OCRL: variants seen among roughly 807,000 people sequenced by gnomAD.
OCRL encodes OCRL inositol polyphosphate-5-phosphatase.
OCRL carries 8 observed loss-of-function variants against 78.9 expected under a neutral mutation model. The ratio of observed to expected loss-of-function variants is 0.10; its 90% CI spans 0.06 to 0.18. OCRL has a LOEUF of 0.18. Ranked by LOEUF, OCRL falls within the 10% of genes least tolerant of loss-of-function variation. The pLI is 1.00. For missense variants in OCRL, 454 were observed against 696.7 expected (o/e 0.65, Z 3.92); for synonymous variants, 240 against 235.4 (o/e 1.02, Z -0.18).
intron 3 of OCRL, 143 bp from the exon 4 acceptor site, chrX:129,548,420 C>T (rs1453614406): frequency 9.8e-6 from 5 of 510,783 alleles, no homozygotes; most frequent in South Asian, 6.0e-5. Context: ...AAATATTAAA[C>T]GAAAAGGGAT....
intron 4 of OCRL, among the ~76,000 whole-genome samples, chrX:129,555,630 A>T (rs1223846736): frequency 8.9e-6 from 1 of 112,345 alleles, no homozygotes; most frequent in Admixed American, 9.4e-5. Context: ...ATGGACAAGA[A>T]GAGTAGAAGG....
chrX:129,578,482 C>A (rs1398031028), intron 18 of OCRL, among the ~76,000 whole-genome samples: 1 of 106,954 alleles, frequency 9.3e-6, no homozygotes, highest in African/African-American at 3.4e-5. Flanking sequence ...CATTTATACT[C>A]TCTCCTTCCA....
chrX:129,567,931 G>A (rs1936239672), intron 14 of OCRL, among the ~76,000 whole-genome samples: 1 of 99,390 alleles, frequency 1.0e-5, no homozygotes, highest in Non-Finnish European at 2.0e-5. Context: ...TTTTGAGACG[G>A]AGTCTCGCTC....
intron 1 of OCRL, 53 bp from the exon 2 acceptor site, chrX:129,540,691 C>A: frequency 9.6e-7 from 1 of 1,041,435 alleles, no homozygotes; most frequent in Non-Finnish European, 1.3e-6. Context: ...CCCCGCAGTG[C>A]ACCACTCCTC....
At chrX:129,545,096 T>TATGTAATACCATA in intron 3 of OCRL, 59 bp downstream of exon 3, 5 of 616,905 alleles carry the variant, frequency 8.1e-6, no homozygotes, top group Non-Finnish European at 1.4e-5. Context: ...ATTACTGCAT[T>TATGTAATACCATA]ATGTAATACC....
chrX:129,570,215 C>G (rs940446489), intron 15 of OCRL, among the ~76,000 whole-genome samples: 5 of 112,009 alleles, frequency 4.5e-5, no homozygotes, highest in Non-Finnish European at 9.4e-5. Flanking sequence ...AGATCTACAG[C>G]CCTATAATCT....
At chrX:129,585,854 T>C (rs1236861365) in intron 19 of OCRL, among the ~76,000 whole-genome samples, 1 of 111,999 alleles carries the variant, frequency 8.9e-6, no homozygotes, top group Non-Finnish European at 1.9e-5. Context: ...CTGTAGTGTA[T>C]GTGGTCTCTG....
At position 129,572,107 on chromosome X, in the gene OCRL, A is replaced by T. The variant is rs367784526; in HGVS notation, c.1602+2708A>T. ...TTAATTTAAAGTAATTTAAATTCAAATTCCCTATGTGGCTAGTCACTATTG... is the reference window on the plus strand; with the variant it reads ...TTAATTTAAAGTAATTTAAATTCAATTTCCCTATGTGGCTAGTCACTATTG... On this transcript the variant is annotated intron_variant, in intron 15 of 23. Coordinates refer to ENST00000371113, the MANE Select transcript of OCRL (RefSeq NM_000276.4). Among the ~76,000 whole-genome samples, 33 of 112,443 alleles carry T rather than the reference A, an allele frequency of 2.9e-4. No homozygotes were observed. In the East Asian group the frequency reaches 6.1e-3, roughly 21 times the overall value.
At chrX:129,588,096 G>A (rs1227163647) in intron 20 of OCRL, 83 bp from the exon 21 acceptor site, 1 of 712,380 alleles carries the variant, frequency 1.4e-6, no homozygotes, top group Non-Finnish European at 2.3e-6. Flanking sequence ...TTTGCTTCCT[G>A]CTGCTCTTCT....
rs367870998 is a variant in OCRL at position 129,590,305 on chromosome X, C to T, written c.*35C>T. ...TGTTCTCTGATATTCTAGAAGCAGA[C>T]GATCTCGGGCTCCAAGTATTTCAGA... On this transcript the variant is annotated 3_prime_UTR_variant, in exon 24 of 24. Transcript: ENST00000371113. The T allele has an allele frequency of 9.2e-6, 11 of 1,202,058 alleles. No individual in the cohort carries two copies. The African/African-American group carries it at 1.2e-4, about 13-fold the overall frequency.
intron 2 of OCRL, among the ~76,000 whole-genome samples, chrX:129,541,741 TC>T (rs1486775312): frequency 8.9e-6 from 1 of 112,317 alleles, no homozygotes; most frequent in Non-Finnish European, 1.9e-5. Flanking sequence ...AACATTGGCT[TC>T]TGCCTAAAAC....
chrX:129,544,598 A>G (rs949790629), intron 2 of OCRL, among the ~76,000 whole-genome samples: 1 of 112,140 alleles, frequency 8.9e-6, no homozygotes, highest in Non-Finnish European at 1.9e-5. Flanking sequence ...GGTACTAGAA[A>G]TTCCGTGGTG....
intron 3 of OCRL, among the ~76,000 whole-genome samples, chrX:129,547,392 G>A (rs191711968): frequency 4.1e-4 from 45 of 109,018 alleles, no homozygotes; most frequent in Non-Finnish European, 7.6e-4. Context: ...GGGCATGGTG[G>A]CGGGTGCCTG....
rs145139567 is a variant in OCRL at position 129,562,726 on chromosome X, C to T, written c.1184C>T (p.Ala395Val). The T allele has an allele frequency of 1.9e-4, 224 of 1,209,451 alleles. No homozygotes were observed. The highest frequency in any genetic ancestry group is 2.3e-4 in the Non-Finnish European group (206 of 894,925). The part of the protein sequence containing the change: ...RRNQDYKDIC[A>V]RMSFVVPNQT... Reference sequence around the variant, plus strand: ...AATCAAGATTATAAGGACATTTGTGCGAGAATGAGTTTTGTGGTCCCAAAT... The same window carrying T: ...AATCAAGATTATAAGGACATTTGTGTGAGAATGAGTTTTGTGGTCCCAAAT... The change falls in exon 12 of 24, where the codon GCG becomes GTG. Residue 395 changes from alanine to valine, a missense_variant. By Grantham distance (64) the Ala-to-Val change is moderately conservative. Transcript: ENST00000371113.
intron 17 of OCRL, 100 bp downstream of exon 17, chrX:129,576,162 T>G (rs1936365568): frequency 1.0e-6 from 1 of 980,196 alleles, no homozygotes; most frequent in East Asian, 3.1e-5. Context: ...TTACCTTTAC[T>G]GTCATATTGG....
intron 15 of OCRL, among the ~76,000 whole-genome samples, chrX:129,570,896 G>A (rs867983271): frequency 2.7e-4 from 30 of 112,486 alleles, no homozygotes; most frequent in African/African-American, 9.4e-4. Flanking sequence ...GCCAACTGTG[G>A]GACTTGAGTA....
At chrX:129,588,380 T>A in intron 21 of OCRL, 117 bp downstream of exon 21, 1 of 566,463 alleles carries the variant, frequency 1.8e-6, no homozygotes. Flanking sequence ...TCTTTTATTA[T>A]AAGATAACCA....
Position 129,567,149 on chromosome X carries a change from G to T in OCRL, c.1357-105G>T. On this transcript the variant is annotated intron_variant, in intron 13 of 23. Transcript: ENST00000371113. The stretch of plus-strand genomic sequence containing the variant: ...TACTCTCACTACAGTTGTAAAGGTT[G>T]TGGAACTAGATACTTTGAAATAGGA... The T allele has an allele frequency of 5.3e-6, 3 of 561,468 alleles. No homozygotes were observed. In the South Asian group the frequency reaches 7.4e-5, roughly 14 times the overall value. 46.3% of individuals were successfully genotyped at this position (561,468 alleles called of 1,213,427 possible). A position where few individuals can be genotyped will look rare whatever the true frequency, so the allele number is the denominator to read the frequency against.
chrX:129,542,446 CATATAAACTATAGTTTAT>C (rs1885262855), intron 2 of OCRL, among the ~76,000 whole-genome samples: 1 of 98,015 alleles, frequency 1.0e-5, no homozygotes, highest in Non-Finnish European at 2.3e-5. Context: ...GTTTTAAATA[CATATAAACTATAGTTTAT>C]ATATAAACTA....
Sources: allele counts gnomAD v4.1 joint callset (sites outside exome capture counted in the v4.1 genomes callset), GRCh38; gene constraint gnomAD v4.1.1; transcripts MANE v1.5; gene names NCBI Gene and HGNC (gene_info 2026-07-23, HGNC 2026-07-21).